Variants in SRRM3 observed in about 807,000 individuals in gnomAD.
SRRM3 encodes serine/arginine repetitive matrix protein 3.
SRRM3 carries 27 observed loss-of-function variants against 66.2 expected under a neutral mutation model. The observed-to-expected ratio is 0.41, with a 90% confidence interval of 0.30 to 0.56. SRRM3 has a LOEUF of 0.56. Ranked by LOEUF, SRRM3 falls within the 20% of genes least tolerant of loss-of-function variation. The probability of loss-of-function intolerance (pLI) is 0.32; values close to 1 mark genes in which losing one functional copy is unlikely to be tolerated. For synonymous variants in SRRM3, 391 were observed against 414.9 expected (o/e 0.94, Z 0.70); for missense variants, 918 against 991.9 (o/e 0.93, Z 1.00).
At chr7:76,274,579 C>G (rs1802295030) in intron 11 of SRRM3, among the ~76,000 whole-genome samples, 1 of 152,182 alleles carries the variant, frequency 6.6e-6, no homozygotes, top group Admixed American at 6.5e-5. Context: ...ATTTGAGCAG[C>G]TTAATGTGAA....
chr7:76,223,162 C>T (rs56088021), intron 1 of SRRM3, among the ~76,000 whole-genome samples: 65,463 of 152,086 alleles, frequency 0.43, 15,947 homozygotes, highest in African/African-American at 0.66. Context: ...GCATTTCTCT[C>T]GTGTCCTCTG....
intron 11 of SRRM3, among the ~76,000 whole-genome samples, chr7:76,280,649 T>C (rs551054751): frequency 3.4e-3 from 477 of 140,982 alleles, no homozygotes; most frequent in African/African-American, 0.012. Flanking sequence ...GGCCAGAAGG[T>C]GGACACCCAG....
chr7:76,208,276 C>T (rs1018143524), intron 1 of SRRM3, among the ~76,000 whole-genome samples: 3 of 152,082 alleles, frequency 2.0e-5, no homozygotes, highest in Non-Finnish European at 4.4e-5. Flanking sequence ...CCCTGATTTC[C>T]GCTGGCCTCC....
rs545758900 is a variant in SRRM3 at position 76,269,560 on chromosome 7, AAG to A, written c.1008+2135_1008+2136del. The A allele has an allele frequency of 2.6e-5, 4 of 151,908 alleles. No homozygotes were observed. The South Asian group carries it at 8.3e-4, about 32-fold the overall frequency. The allele number at this position is 151,908 out of a possible 1,614,324, so 9.4% of individuals were successfully genotyped here. ...TTTAAAAAAAAAAAGAAAAGAAAAA[AAG>A]AGAGAGAGAAACAAATGGAAAAAAA... is the stretch of plus-strand genomic sequence containing the variant. On this transcript the variant is annotated intron_variant, in intron 11 of 14. Coordinates refer to ENST00000611745, the MANE Select transcript of SRRM3 (RefSeq NM_001110199.3).
intron 1 of SRRM3, among the ~76,000 whole-genome samples, chr7:76,218,676 T>G (rs1028329864): frequency 2.8e-5 from 1 of 35,122 alleles, no homozygotes; most frequent in Admixed American, 2.8e-4. Flanking sequence ...TTTCTTTTCT[T>G]TTTTTTTTTT....
intron 1 of SRRM3, among the ~76,000 whole-genome samples, chr7:76,214,214 C>A (rs1800503186): frequency 6.6e-6 from 1 of 152,050 alleles, no homozygotes; most frequent in Non-Finnish European, 1.5e-5. Flanking sequence ...GATGGAGATT[C>A]TCGGATGATG....
chr7:76,269,968 G>C (rs1802170566), intron 11 of SRRM3: 1 of 151,488 alleles, frequency 6.6e-6, no homozygotes, highest in African/African-American at 2.4e-5. Flanking sequence ...GAATTTAAAA[G>C]GGAAGATAAC....
At chr7:76,218,772 G>A (rs532442986) in intron 1 of SRRM3, among the ~76,000 whole-genome samples, 267 of 143,128 alleles carry the variant, frequency 1.9e-3, no homozygotes, top group African/African-American at 6.1e-3. Context: ...TCTGCTTCCC[G>A]GGTTCAAGAG....
Position 76,247,726 on chromosome 7 carries a change from T to G in SRRM3, c.234-462T>G, listed in dbSNP as rs552985572. On this transcript the variant is annotated intron_variant, in intron 2 of 14. Coordinates refer to ENST00000611745, the MANE Select transcript of SRRM3 (RefSeq NM_001110199.3). ...GTTGTTTGTTTTTTGAGATGGAGTC[T>G]CTGGGTCACCTAGGCTGGTGTGCAG... Among the ~76,000 whole-genome samples, 8 of 152,292 alleles carry G rather than the reference T, an allele frequency of 5.3e-5. No individual in the cohort carries two copies. The South Asian group carries it at 8.3e-4, about 16-fold the overall frequency.
At chr7:76,229,774 C>T (rs572681136) in intron 1 of SRRM3, among the ~76,000 whole-genome samples, 44 of 141,092 alleles carry the variant, frequency 3.1e-4, no homozygotes, top group African/African-American at 9.9e-4. Flanking sequence ...GACGGAGTCT[C>T]GCTCAATTGC....
Position 76,281,585 on chromosome 7 carries a change from A to AGGC in SRRM3, c.1170_1172dup (p.Arg395dup), listed in dbSNP as rs1165004777. Reference sequence around the variant, plus strand: ...AGGCCGCGCGGCGGGCGGGGCGGGCAGGCGGCGGCGGCGGCGGCGTAGGCG... The same window carrying AGGC: ...AGGCCGCGCGGCGGGCGGGGCGGGCAGGCGGCGGCGGCGGCGGCGGCGTAGGCG... On this transcript the variant is annotated inframe_insertion, in exon 12 of 15. Coordinates refer to ENST00000611745, the MANE Select transcript of SRRM3 (RefSeq NM_001110199.3). 442 of 982,050 alleles carry AGGC rather than the reference A, an allele frequency of 4.5e-4. No homozygotes were observed. Among genetic ancestry groups the AGGC allele is most frequent in the Middle Eastern group, 1.0e-3 (2 of 1,914 alleles). 60.8% of individuals were successfully genotyped at this position (982,050 alleles called of 1,614,324 possible).
At chr7:76,221,946 A>G (rs1469668678) in intron 1 of SRRM3, among the ~76,000 whole-genome samples, 3 of 152,080 alleles carry the variant, frequency 2.0e-5, no homozygotes, top group Admixed American at 6.6e-5. Context: ...TTTACTCCTT[A>G]CCCTGAGGTG....
At chr7:76,237,362 T>C (rs1306108192) in intron 2 of SRRM3, among the ~76,000 whole-genome samples, 4 of 152,036 alleles carry the variant, frequency 2.6e-5, no homozygotes, top group Non-Finnish European at 4.4e-5. Context: ...GCTGAGATTG[T>C]GCCACTGCAC....
At chr7:76,250,481 G>A (rs377748884) in intron 3 of SRRM3, among the ~76,000 whole-genome samples, 5 of 152,030 alleles carry the variant, frequency 3.3e-5, no homozygotes, top group South Asian at 2.1e-4. Context: ...TGACCCACCC[G>A]CCTCGGCCTC....
intron 1 of SRRM3, among the ~76,000 whole-genome samples, chr7:76,225,287 T>A (rs1800830575): frequency 6.6e-6 from 1 of 152,140 alleles, no homozygotes; most frequent in African/African-American, 2.4e-5. Context: ...ATCTTAGAAG[T>A]AAGAAGGTGG....
At chr7:76,247,834 G>A (rs1244868303) in intron 2 of SRRM3, among the ~76,000 whole-genome samples, 1 of 151,994 alleles carries the variant, frequency 6.6e-6, no homozygotes, top group Non-Finnish European at 1.5e-5. Flanking sequence ...AGCGGGGATT[G>A]CAGGCGCCCA....
intron 1 of SRRM3, among the ~76,000 whole-genome samples, chr7:76,221,734 G>A (rs192477970): frequency 1.3e-5 from 2 of 152,160 alleles, no homozygotes; most frequent in East Asian, 3.9e-4. Flanking sequence ...AAAGTACCAT[G>A]ATTGGGCTAT....
chr7:76,258,382 G>C (rs1801765398), intron 3 of SRRM3, among the ~76,000 whole-genome samples: 1 of 152,180 alleles, frequency 6.6e-6, no homozygotes, highest in Non-Finnish European at 1.5e-5. Flanking sequence ...CCAGGGCTCG[G>C]GGAGGGCGGA....
intron 11 of SRRM3, among the ~76,000 whole-genome samples, chr7:76,279,629 C>T (rs7808886): frequency 0.67 from 101,697 of 151,116 alleles, 34,544 homozygotes; most frequent in Non-Finnish European, 0.68. Context: ...GGAAGGGACA[C>T]CAGGAAGCAA....
Sources: allele counts gnomAD v4.1 joint callset (sites outside exome capture counted in the v4.1 genomes callset), GRCh38; gene constraint gnomAD v4.1.1; transcripts MANE v1.5; gene names NCBI Gene and HGNC (gene_info 2026-07-23, HGNC 2026-07-21).